The following WDR59 variants were observed in gnomAD, a reference collection of about 807,000 sequenced individuals.
The protein encoded by WDR59 is GATOR2 complex protein WDR59.
Under a neutral mutation model 131.2 loss-of-function variants are expected in WDR59, and 100 were observed. The observed-to-expected ratio is 0.76, with a 90% CI of 0.65 to 0.90. The LOEUF is 0.90. Ranked by LOEUF, WDR59 falls within the 40% of genes least tolerant of loss-of-function variation. WDR59 has a pLI of 0.00. For synonymous variants in WDR59, 601 were observed against 466.2 expected (o/e 1.29, Z -3.72); for missense variants, 1,203 against 1,262.2 (o/e 0.95, Z 0.71).
rs367655946 is a variant in WDR59 at position 74,985,024 on chromosome 16, C to T, written c.-7G>A. The T allele has an allele frequency of 5.0e-5, 79 of 1,568,212 alleles. No individual in the cohort carries two copies. Among genetic ancestry groups the T allele is most frequent in the Middle Eastern group, 1.7e-4 (1 of 6,020 alleles). On this transcript the variant is annotated 5_prime_UTR_variant, in exon 1 of 26. Transcript: ENST00000262144. ...TGCTCCATCGCGCCGCCATCTCCCC[C>T]GCCCGGCCGCCGCGGCCCCAGGACG...
chr16:74,923,540 C>T (rs1388272764), intron 9 of WDR59, among the ~76,000 whole-genome samples: 4 of 152,014 alleles, frequency 2.6e-5, no homozygotes, highest in African/African-American at 4.8e-5. Context: ...TGCAGTGGGG[C>T]GATCTCAGCT....
Position 74,909,921 on chromosome 16 carries a change from G to A in WDR59, c.1390-4C>T. The stretch of plus-strand genomic sequence containing the variant: ...GCAGGGCTGTGTCCTTCAGGATCTA[G>A]AAAAGGCCCAAAACACAGTCAAGAA... On this transcript the variant is annotated splice_region_variant and splice_polypyrimidine_tract_variant and intron_variant, in intron 14 of 25. Coordinates refer to ENST00000262144, the MANE Select transcript of WDR59 (RefSeq NM_030581.4). 1 of 1,603,480 alleles carries A rather than the reference G, an allele frequency of 6.2e-7. No individual in the cohort carries two copies. The highest frequency in any genetic ancestry group is 1.1e-5 in the South Asian group (1 of 89,548).
chr16:74,908,816 C>T lies in WDR59; in HGVS notation c.1712+92G>A, dbSNP rs528132555. On this transcript the variant is annotated intron_variant, in intron 17 of 25. Transcript: ENST00000262144. The stretch of plus-strand genomic sequence containing the variant: ...GAGTTTACTGAAGAACTGAAATGCA[C>T]TGTCCAAAAGCAAACTCAGTGGTCC... 5.2e-4 allele frequency: 515 copies of T among 986,142 alleles called. 1 individual carries two copies. Among genetic ancestry groups the T allele is most frequent in the Admixed American group, 7.5e-4 (36 of 48,074 alleles). 61.1% of individuals were successfully genotyped at this position (986,142 alleles called of 1,614,324 possible).
chr16:74,885,204 G>T (rs993415098), intron 25 of WDR59, among the ~76,000 whole-genome samples: 1 of 152,094 alleles, frequency 6.6e-6, no homozygotes, highest in African/African-American at 2.4e-5. Context: ...TGTAATCCCA[G>T]CACTTTGGGA....
At chr16:74,912,856 AG>A (rs1410436402) in intron 13 of WDR59, among the ~76,000 whole-genome samples, 1 of 152,272 alleles carries the variant, frequency 6.6e-6, no homozygotes, top group African/African-American at 2.4e-5. Flanking sequence ...TATCTGCAGC[AG>A]GAGTATGTCT....
At chr16:74,956,392 C>G in intron 3 of WDR59, 83 bp downstream of exon 3, 1 of 1,511,274 alleles carries the variant, frequency 6.6e-7, no homozygotes, top group Non-Finnish European at 8.9e-7. Flanking sequence ...GGACTGCATT[C>G]TCTTCTCTAC....
intron 24 of WDR59, 111 bp downstream of exon 24, chr16:74,886,159 C>T (rs987847168): frequency 5.5e-6 from 7 of 1,278,312 alleles, no homozygotes; most frequent in Admixed American, 2.4e-5. Context: ...ACCTAGTGAC[C>T]GGGTAAGATT....
chr16:74,906,688 A>G (rs1199644110), intron 17 of WDR59, among the ~76,000 whole-genome samples: 1 of 152,238 alleles, frequency 6.6e-6, no homozygotes, highest in Admixed American at 6.5e-5. Flanking sequence ...TGACACATGC[A>G]GCAATGTGGA....
chr16:74,945,215 G>A (rs923095540), intron 6 of WDR59, among the ~76,000 whole-genome samples: 6 of 151,804 alleles, frequency 4.0e-5, no homozygotes, highest in Non-Finnish European at 7.4e-5. Flanking sequence ...AGAGGCTCAC[G>A]CCTGTAATGC....
chr16:74,931,835 T>C (rs1454025401), intron 8 of WDR59, among the ~76,000 whole-genome samples: 1 of 152,078 alleles, frequency 6.6e-6, no homozygotes, highest in South Asian at 2.1e-4. Flanking sequence ...GATTGTGCCA[T>C]TGTATTCCAG....
rs931396475 is a variant in WDR59 at position 74,971,153 on chromosome 16, T to C, written c.55-5331A>G. On this transcript the variant is annotated intron_variant, in intron 1 of 25. Coordinates refer to ENST00000262144, the MANE Select transcript of WDR59 (RefSeq NM_030581.4). ...TTCCTCGACATCTCTGAGAATATTT[T>C]TGGTGGTTTCTCTTGATAATTCCCC... Among the ~76,000 whole-genome samples the C allele has an allele frequency of 2.6e-5, 4 of 152,168 alleles. No homozygotes were observed. The East Asian group carries it at 7.7e-4, about 29-fold the overall frequency.
chr16:74,974,164 A>C (rs139689958), intron 1 of WDR59, among the ~76,000 whole-genome samples: 1 of 152,200 alleles, frequency 6.6e-6, no homozygotes, highest in African/African-American at 2.4e-5. Context: ...GCAAGACTCC[A>C]TCTCAAAAAC....
At chr16:74,881,440 C>T (rs572437485) in intron 25 of WDR59, among the ~76,000 whole-genome samples, 28 of 152,044 alleles carry the variant, frequency 1.8e-4, no homozygotes, top group Admixed American at 8.5e-4. Context: ...AATCTGTCTG[C>T]TTCAGTCTCC....
At chr16:74,884,840 G>A (rs185139133) in intron 25 of WDR59, among the ~76,000 whole-genome samples, 18 of 152,272 alleles carry the variant, frequency 1.2e-4, no homozygotes, top group East Asian at 3.9e-4. Context: ...TCACCACTCT[G>A]CACCGATGGC....
chr16:74,943,952 C>T (rs920273711), intron 6 of WDR59, among the ~76,000 whole-genome samples: 1 of 152,084 alleles, frequency 6.6e-6, no homozygotes, highest in Non-Finnish European at 1.5e-5. Flanking sequence ...TGGTGGAGAC[C>T]AGTGAAGATG....
intron 8 of WDR59, among the ~76,000 whole-genome samples, chr16:74,936,499 T>C (rs959142425): frequency 5.9e-5 from 9 of 151,908 alleles, no homozygotes; most frequent in Non-Finnish European, 8.8e-5. Context: ...GTTCCTGAAC[T>C]TGGGAGACAA....
At chr16:74,984,679 C>T in intron 1 of WDR59, 1 of 475,206 alleles carries the variant, frequency 2.1e-6, no homozygotes, top group South Asian at 2.9e-5. Context: ...GGGAAGCCTC[C>T]CCTCAGCACT....
intron 17 of WDR59, among the ~76,000 whole-genome samples, chr16:74,904,713 C>A (rs1965716407): frequency 6.6e-6 from 1 of 152,050 alleles, no homozygotes. Context: ...CCAACCTGAA[C>A]TAAACAAGAA....
At chr16:74,882,218 G>A (rs1269486511) in intron 25 of WDR59, among the ~76,000 whole-genome samples, 1 of 152,142 alleles carries the variant, frequency 6.6e-6, no homozygotes, top group Admixed American at 6.6e-5. Context: ...CATGATTCAG[G>A]TGTTTTCCTG....
Sources: gnomAD v4.1 joint callset for allele counts (sites outside exome capture counted in the v4.1 genomes callset) on GRCh38, gnomAD v4.1.1 for gene constraint, MANE v1.5 for transcripts, NCBI Gene and HGNC (gene_info 2026-07-23, HGNC 2026-07-21) for gene names.